TENT5D: variants seen among roughly 807,000 people sequenced by gnomAD.
TENT5D encodes terminal nucleotidyltransferase 5D.
For synonymous variants in TENT5D, 103 were observed against 100.6 expected, an observed-to-expected ratio of 1.02 and a Z score of -0.15; for missense variants, 191 against 287.0, an observed-to-expected ratio of 0.67 and a Z score of 2.42.
At chrX:80,395,537 C>G (rs1346107885) in intron 3 of TENT5D, among the ~76,000 whole-genome samples, 1 of 111,373 alleles carries the variant, frequency 9.0e-6, no homozygotes, top group African/African-American at 3.3e-5. Flanking sequence ...AATTTTTTGT[C>G]TCTTTGATGC....
At chrX:80,442,034 A>G in intron 2 of TENT5D, among the ~76,000 whole-genome samples, 1 of 111,285 alleles carries the variant, frequency 9.0e-6, no homozygotes, top group Admixed American at 9.6e-5. Flanking sequence ...TATATGAGAG[A>G]GTGATCTGAT....
At chrX:80,358,724 A>G (rs1930341347) in intron 3 of TENT5D, among the ~76,000 whole-genome samples, 1 of 112,164 alleles carries the variant, frequency 8.9e-6, no homozygotes, top group Admixed American at 9.5e-5. Context: ...TCACAGCTCA[A>G]TATAAGAAGG....
intron 3 of TENT5D, among the ~76,000 whole-genome samples, chrX:80,396,944 GCAGAGGGGC>G (rs1931268971): frequency 2.3e-5 from 2 of 88,682 alleles, no homozygotes; most frequent in African/African-American, 4.2e-5. Flanking sequence ...GGCTGGCCGG[GCAGAGGGGC>G]TCCTCACTTC....
At chrX:80,388,138 C>A (rs1288583243) in intron 3 of TENT5D, among the ~76,000 whole-genome samples, 4 of 110,628 alleles carry the variant, frequency 3.6e-5, no homozygotes, top group Non-Finnish European at 7.6e-5. Flanking sequence ...AGTGAGCTAC[C>A]CTCTGGCCCA....
chrX:80,359,776 A>G (rs1393855155), intron 3 of TENT5D, among the ~76,000 whole-genome samples: 1 of 111,866 alleles, frequency 8.9e-6, no homozygotes, highest in Non-Finnish European at 1.9e-5. Context: ...CCTAGAACTT[A>G]AACTATATTT....
chrX:80,429,905 A>T, intron 1 of TENT5D, among the ~76,000 whole-genome samples: 1 of 111,479 alleles, frequency 9.0e-6, no homozygotes, highest in East Asian at 2.8e-4. Context: ...TAAAAAGGCC[A>T]TCTGGTTTTT....
chrX:80,405,062 C>A (rs1168481595), intron 3 of TENT5D, among the ~76,000 whole-genome samples: 1 of 111,091 alleles, frequency 9.0e-6, no homozygotes, highest in Non-Finnish European at 1.9e-5. Flanking sequence ...AAACAGAACC[C>A]GAGGGGAAAA....
chrX:80,387,237 C>A (rs1342239159), intron 3 of TENT5D, among the ~76,000 whole-genome samples: 1 of 111,984 alleles, frequency 8.9e-6, no homozygotes, highest in East Asian at 2.8e-4. Context: ...GTTCCTGATG[C>A]CTTATATACC....
intron 3 of TENT5D, among the ~76,000 whole-genome samples, chrX:80,387,144 C>A (rs1229942448): frequency 8.9e-6 from 1 of 112,068 alleles, no homozygotes; most frequent in Non-Finnish European, 1.9e-5. Flanking sequence ...TCGAAGTTCC[C>A]AGATGAAGAA....
At chrX:80,440,399 G>A (rs1248774590) in intron 2 of TENT5D, among the ~76,000 whole-genome samples, 2 of 110,563 alleles carry the variant, frequency 1.8e-5, no homozygotes, top group Non-Finnish European at 3.8e-5. Flanking sequence ...AAGATATTAA[G>A]TAGGGCTTCC....
intron 3 of TENT5D, among the ~76,000 whole-genome samples, chrX:80,409,444 A>C (rs1263015383): frequency 1.8e-5 from 2 of 111,355 alleles, no homozygotes; most frequent in African/African-American, 6.5e-5. Context: ...AAGCATTCTT[A>C]TACACCAATA....
At chrX:80,423,324 T>C (rs1206915555) in intron 1 of TENT5D, among the ~76,000 whole-genome samples, 1 of 111,754 alleles carries the variant, frequency 8.9e-6, no homozygotes, top group Non-Finnish European at 1.9e-5. Flanking sequence ...AGTTTTTTTT[T>C]TATATTTAAG....
intron 2 of TENT5D, among the ~76,000 whole-genome samples, chrX:80,339,393 T>C (rs989733990): frequency 4.5e-5 from 5 of 111,496 alleles, no homozygotes; most frequent in Admixed American, 1.9e-4. Flanking sequence ...TTCCTACTTA[T>C]AATAGAAAAA....
intron 3 of TENT5D, among the ~76,000 whole-genome samples, chrX:80,375,814 A>G (rs1228671837): frequency 1.8e-5 from 2 of 111,768 alleles, no homozygotes; most frequent in Non-Finnish European, 3.8e-5. Context: ...TAGCCTACAG[A>G]GTTCTGATAA....
chrX:80,350,727 C>T (rs1057436621), intron 3 of TENT5D, among the ~76,000 whole-genome samples: 1 of 111,604 alleles, frequency 9.0e-6, no homozygotes, highest in Admixed American at 9.6e-5. Flanking sequence ...TTAGTTGATG[C>T]AGTTTCTTCA....
upstream of TENT5D, among the ~76,000 whole-genome samples, chrX:80,416,605 A>G (rs1931784027): frequency 9.2e-6 from 1 of 108,209 alleles, no homozygotes; most frequent in Non-Finnish European, 1.9e-5. Context: ...GTTTTGAGCA[A>G]TTTTCTTAGT....
At chrX:80,385,561 A>G (rs2147534540) in intron 3 of TENT5D, among the ~76,000 whole-genome samples, 1 of 112,322 alleles carries the variant, frequency 8.9e-6, no homozygotes, top group East Asian at 2.8e-4. Context: ...CAAAAGCCAG[A>G]ATTGACAAAT....
intron 1 of TENT5D, among the ~76,000 whole-genome samples, chrX:80,437,844 G>A (rs1400620900): frequency 9.0e-6 from 1 of 110,982 alleles, no homozygotes. Context: ...CTATAGGTAC[G>A]TATATATGGA....
intron 1 of TENT5D, among the ~76,000 whole-genome samples, chrX:80,429,186 G>C (rs986989113): frequency 9.0e-6 from 1 of 111,631 alleles, no homozygotes; most frequent in African/African-American, 3.3e-5. Context: ...ACCACAAGCT[G>C]GACAGGGTTG....
Sources: allele counts gnomAD v4.1 joint callset (sites outside exome capture counted in the v4.1 genomes callset), GRCh38; gene constraint gnomAD v4.1.1; transcripts MANE v1.5; gene names NCBI Gene and HGNC (gene_info 2026-07-23, HGNC 2026-07-21).